Variants in CCL24 observed in about 807,000 individuals in gnomAD.
The protein encoded by CCL24 is C-C motif chemokine ligand 24.
In CCL24, 6 loss-of-function variants were observed where a neutral mutation model predicts 8.6. The ratio of observed to expected loss-of-function variants is 0.70; its 90% CI spans 0.38 to 1.38. The LOEUF (loss-of-function observed/expected upper bound fraction) is 1.38, where lower values mean the gene tolerates loss of function less well. CCL24 is among the 40% of genes most tolerant of loss of function. The probability of loss-of-function intolerance (pLI) is 0.02; values close to 1 mark genes in which losing one functional copy is unlikely to be tolerated. For synonymous variants in CCL24, 59 were observed against 52.7 expected (o/e 1.12, Z -0.52); for missense variants, 126 against 147.1 (o/e 0.86, Z 0.74).
At chr7:75,823,267 T>A (rs1241954505) in intron 1 of CCL24, 1 of 152,740 alleles carries the variant, frequency 6.5e-6, no homozygotes, top group East Asian at 1.9e-4. Context: ...GCTTCCTCGA[T>A]ACCAAACACA....
chr7:75,820,978 G>A (rs1195110859), intron 1 of CCL24, among the ~76,000 whole-genome samples: 2 of 151,644 alleles, frequency 1.3e-5, no homozygotes, highest in African/African-American at 4.8e-5. Context: ...ATCGAACCCT[G>A]CTATATACCA....
At chr7:75,814,089 A>T (rs571373252), upstream of CCL24, among the ~76,000 whole-genome samples, 1 of 152,266 alleles carries the variant, frequency 6.6e-6, no homozygotes, top group East Asian at 1.9e-4. Flanking sequence ...GATCCTGGAT[A>T]AGTCACTCAC....
intron 2 of CCL24, among the ~76,000 whole-genome samples, chr7:75,812,976 C>T (rs11465296): frequency 0.048 from 7,160 of 150,142 alleles, 180 homozygotes; most frequent in African/African-American, 0.062. Context: ...GGTTCATGGC[C>T]GTAATCCTAG....
intron 1 of CCL24, among the ~76,000 whole-genome samples, chr7:75,820,136 CCTCCTCCTCCTCCTCCTT>C (rs1381515981): frequency 8.9e-4 from 74 of 82,912 alleles, no homozygotes; most frequent in African/African-American, 2.5e-3. Context: ...TTCTTCTCCT[CCTCCTCCTCCTCCTCCTT>C]CTCCTTCTCC....
Position 75,811,713 on chromosome 7 carries a change from C to A in CCL24, c.*83G>T. ...AGAAACAGGAAAATTAGCTCTTCCC[C>A]CCATCACTGTGGCTTCTCCAGGCCC... On this transcript the variant is annotated 3_prime_UTR_variant, in exon 3 of 3. Transcript: ENST00000222902. The A allele has an allele frequency of 8.0e-7, 1 of 1,251,778 alleles. No individual in the cohort carries two copies. The highest frequency in any genetic ancestry group is 2.4e-5 in the East Asian group (1 of 41,072). 77.5% of individuals were successfully genotyped at this position (1,251,778 alleles called of 1,614,324 possible).
At chr7:75,812,110 A>G in intron 2 of CCL24, 146 bp from the exon 3 acceptor site, 1 of 639,058 alleles carries the variant, frequency 1.6e-6, no homozygotes, top group African/African-American at 1.8e-5. Context: ...TTTTTGACAC[A>G]GGGTCTCACT....
intron 2 of CCL24, among the ~76,000 whole-genome samples, chr7:75,812,527 T>C (rs147223532): frequency 1.7e-4 from 26 of 152,286 alleles, no homozygotes; most frequent in African/African-American, 6.3e-4. Flanking sequence ...CTGTCCTCTG[T>C]AAAATGGGAA....
chr7:75,814,480 G>A (rs1266782730), upstream of CCL24, among the ~76,000 whole-genome samples: 1 of 152,040 alleles, frequency 6.6e-6, no homozygotes. Flanking sequence ...GTGGAAGGAT[G>A]ACTTGAACCC....
chr7:75,820,098 T>TTCTTCTTCC (rs1804006371), intron 1 of CCL24, among the ~76,000 whole-genome samples: 2 of 118,534 alleles, frequency 1.7e-5, no homozygotes, highest in African/African-American at 5.8e-5. Context: ...CCTCTTCTTC[T>TTCTTCTTCC]TCTTCTTCCT....
At chr7:75,815,608 G>A (rs1554534047), upstream of CCL24, among the ~76,000 whole-genome samples, 2 of 152,128 alleles carry the variant, frequency 1.3e-5, no homozygotes, top group African/African-American at 2.4e-5. Context: ...GCAACTACGC[G>A]GAAGCCTGTA....
In CCL24 at chr7:75,821,938, A is replaced by G. The variant is rs1804059211; in HGVS notation, c.-60+1384T>C. Among the ~76,000 whole-genome samples, 5 of 150,276 alleles carry G rather than the reference A, an allele frequency of 3.3e-5. No homozygotes were observed. In the South Asian group the frequency reaches 1.1e-3, roughly 32 times the overall value. The stretch of plus-strand genomic sequence containing the variant: ...GCGAGACTCCGTCTCAAAAAAAAAA[A>G]AAAAGAAAACAAAATTAGCCAGGTG... On this transcript the variant is annotated intron_variant, in intron 1 of 3. Coordinates refer to the CCL24 transcript ENST00000416943.
chr7:75,820,130 T>TCTCCTCCTCCTCCTC (rs1212625006), intron 1 of CCL24, among the ~76,000 whole-genome samples: 1 of 81,374 alleles, frequency 1.2e-5, no homozygotes, highest in Non-Finnish European at 3.1e-5. Context: ...TTCTTCTTCT[T>TCTCCTCCTCCTCCTC]CTCCTCCTCC....
chr7:75,812,786 C>T (rs112557666), intron 2 of CCL24, among the ~76,000 whole-genome samples: 115 of 152,032 alleles, frequency 7.6e-4, no homozygotes, highest in African/African-American at 2.6e-3. Flanking sequence ...AAAAATTAGC[C>T]GGGCATGGTG....
At chr7:75,820,160 T>TCTTCTTCTTCTC (rs1804014988) in intron 1 of CCL24, among the ~76,000 whole-genome samples, 1 of 80,798 alleles carries the variant, frequency 1.2e-5, no homozygotes. Context: ...TCCTTCTCCT[T>TCTTCTTCTTCTC]CTCCTTCTCC....
chr7:75,820,023 TTC>T (rs1803993956), intron 1 of CCL24, among the ~76,000 whole-genome samples: 1 of 91,556 alleles, frequency 1.1e-5, no homozygotes, highest in East Asian at 3.3e-4. Flanking sequence ...AAACTACTTC[TTC>T]TTCTTCTTCT....
At chr7:75,821,940 A>C (rs1453304463) in intron 1 of CCL24, among the ~76,000 whole-genome samples, 9 of 151,246 alleles carry the variant, frequency 6.0e-5, no homozygotes, top group South Asian at 2.1e-4. Context: ...AAAAAAAAAA[A>C]AAGAAAACAA....
At chr7:75,812,054 G>A (rs372921195) in intron 2 of CCL24, 90 bp from the exon 3 acceptor site, 2 of 1,064,400 alleles carry the variant, frequency 1.9e-6, no homozygotes. Context: ...GACGCCCAGA[G>A]ACAGTAAGGC....
chr7:75,812,041 G>A, intron 2 of CCL24, 77 bp from the exon 3 acceptor site: 2 of 1,263,580 alleles, frequency 1.6e-6, no homozygotes, highest in Non-Finnish European at 2.2e-6. Context: ...CGGGGGGGAT[G>A]TGGACGCCCA....
Position 75,811,712 on chromosome 7 carries a change from C to G in CCL24, c.*84G>C. The G allele has an allele frequency of 8.0e-7, 1 of 1,243,816 alleles. No homozygotes were observed. Among genetic ancestry groups the G allele is most frequent in the Non-Finnish European group, 1.1e-6 (1 of 888,154 alleles). The allele number at this position is 1,243,816 out of a possible 1,614,324, so 77.0% of individuals were successfully genotyped here. On this transcript the variant is annotated 3_prime_UTR_variant, in exon 3 of 3. Coordinates refer to ENST00000222902, the MANE Select transcript of CCL24 (RefSeq NM_002991.3). ...AAGAAACAGGAAAATTAGCTCTTCCCCCCATCACTGTGGCTTCTCCAGGCC... is the reference window on the plus strand; with the variant it reads ...AAGAAACAGGAAAATTAGCTCTTCCGCCCATCACTGTGGCTTCTCCAGGCC...
Sources: gnomAD v4.1 joint callset for allele counts (sites outside exome capture counted in the v4.1 genomes callset) on GRCh38, gnomAD v4.1.1 for gene constraint, MANE v1.5 for transcripts, NCBI Gene and HGNC (gene_info 2026-07-23, HGNC 2026-07-21) for gene names.